The following ECM2 variants were observed in gnomAD, a reference collection of about 807,000 sequenced individuals.
ECM2 encodes extracellular matrix protein 2, female organ and adipocyte specific.
In ECM2, 57 loss-of-function variants were observed where a neutral mutation model predicts 67.5. The ratio of observed to expected loss-of-function variants is 0.84; its 90% confidence interval spans 0.68 to 1.05. The LOEUF (loss-of-function observed/expected upper bound fraction) is 1.05. ECM2 is among the 50% of genes least tolerant of loss of function. The pLI is 0.00. For missense variants in ECM2, 741 were observed against 822.8 expected, an observed-to-expected ratio of 0.90 and a Z score of 1.22; for synonymous variants, 258 against 294.5, an observed-to-expected ratio of 0.88 and a Z score of 1.27.
chr9:92,522,943 T>C, intron 1 of ECM2, 50 bp from the exon 2 acceptor site: 2 of 1,475,406 alleles, frequency 1.4e-6, no homozygotes, highest in Non-Finnish European at 8.9e-7. Context: ...TTTTTACTTC[T>C]GAAAATTGGC....
chr9:92,502,716 A>G, intron 7 of ECM2, 64 bp from the exon 8 acceptor site: 29 of 1,302,934 alleles, frequency 2.2e-5, no homozygotes, highest in Non-Finnish European at 2.9e-5. Context: ...AATTTCATGG[A>G]GACTAAAATA....
At chr9:92,495,044 C>T (rs777785793), downstream of ECM2, among the ~76,000 whole-genome samples, 2 of 152,220 alleles carry the variant, frequency 1.3e-5, no homozygotes, top group Non-Finnish European at 2.9e-5. Flanking sequence ...CTGCATTCAT[C>T]ATCCACACCA....
Position 92,496,485 on chromosome 9 carries a change from T to A in ECM2, c.1932-2A>T, listed in dbSNP as rs774872051. ...CAAATTTCTTCTGGAAGAATGTTCC[T>A]AAGGAAAAATAGACATGCAAGTCAC... On this transcript the variant is annotated splice_acceptor_variant, in intron 9 of 9. Coordinates refer to ENST00000344604, the MANE Select transcript of ECM2 (RefSeq NM_001393.4). LOFTEE classifies it high-confidence loss of function. 1 of 1,606,770 alleles carries A rather than the reference T, an allele frequency of 6.2e-7. No homozygotes were observed. The highest frequency in any genetic ancestry group is 8.5e-7 in the Non-Finnish European group (1 of 1,178,386).
At chr9:92,527,327 A>T (rs1848475145) in intron 1 of ECM2, among the ~76,000 whole-genome samples, 2 of 152,160 alleles carry the variant, frequency 1.3e-5, no homozygotes. Flanking sequence ...ATGTTTAGAT[A>T]CACAAATACC....
At chr9:92,533,303 C>CAAACAAAA (rs1223222898) in intron 1 of ECM2, among the ~76,000 whole-genome samples, 16 of 29,860 alleles carry the variant, frequency 5.4e-4, no homozygotes, top group South Asian at 2.7e-3. Flanking sequence ...CGGTCTCAAA[C>CAAACAAAA]AAAAAAAAAA....
intron 1 of ECM2, among the ~76,000 whole-genome samples, chr9:92,534,197 T>A (rs1022962657): frequency 1.3e-5 from 2 of 152,228 alleles, no homozygotes; most frequent in Non-Finnish European, 2.9e-5. Context: ...CTCCCCTTTT[T>A]ATTTCCTAGT....
the ECM2 span, among the ~76,000 whole-genome samples, chr9:92,542,267 A>G: frequency 6.6e-6 from 1 of 152,112 alleles, no homozygotes. Flanking sequence ...TCTTGCTATC[A>G]AGTTCCTTAT....
Position 92,517,765 on chromosome 9 carries a change from C to T in ECM2, c.403G>A (p.Glu135Lys). Residue 135 changes from glutamate (E) to lysine (K), a missense_variant, in exon 3 of 10, where the codon GAA becomes AAA. By Grantham distance (56) the Glu-to-Lys change is moderately conservative. Coordinates refer to ENST00000344604, the MANE Select transcript of ECM2 (RefSeq NM_001393.4). Reference protein sequence around the residue: ...LCSDGRVLCDETMCHPQRCPQ... With the variant: ...LCSDGRVLCDKTMCHPQRCPQ... ...CACCTCTGGGGATGGCACATGGTTT[C>T]ATCACAAAGAACTCTTCCATCTGAG... 6.2e-7 allele frequency: 1 copy of T among 1,614,202 alleles called. No individual in the cohort carries two copies. Among genetic ancestry groups the T allele is most frequent in the Non-Finnish European group, 8.5e-7 (1 of 1,180,036 alleles).
chr9:92,494,679 C>T (rs1025843266), downstream of ECM2, among the ~76,000 whole-genome samples: 6 of 152,000 alleles, frequency 3.9e-5, no homozygotes, highest in African/African-American at 1.5e-4. Context: ...GAGGCCGAGG[C>T]GGTCTTATCA....
At chr9:92,539,544 G>A (rs1849268963), upstream of ECM2, among the ~76,000 whole-genome samples, 2 of 152,026 alleles carry the variant, frequency 1.3e-5, no homozygotes, top group Admixed American at 6.6e-5. Context: ...CAGAAATTAA[G>A]TATAGCCTAC....
At chr9:92,530,212 C>A (rs72754439) in intron 1 of ECM2, among the ~76,000 whole-genome samples, 1 of 152,058 alleles carries the variant, frequency 6.6e-6, no homozygotes, top group Admixed American at 6.6e-5. Context: ...AAGGTGGGTA[C>A]ATGTCATTAA....
intron 2 of ECM2, among the ~76,000 whole-genome samples, chr9:92,520,713 A>C (rs1040050005): frequency 2.0e-5 from 3 of 152,210 alleles, no homozygotes; most frequent in Admixed American, 1.3e-4. Flanking sequence ...CCAGATGTTC[A>C]TCAACTGGTA....
Position 92,522,568 on chromosome 9 carries a change from C to G in ECM2, c.292+7G>C. The G allele has an allele frequency of 6.2e-7, 1 of 1,600,790 alleles. No individual in the cohort carries two copies. Among genetic ancestry groups the G allele is most frequent in the South Asian group, 1.1e-5 (1 of 88,786 alleles). On this transcript the variant is annotated splice_region_variant and intron_variant, in intron 2 of 9. Coordinates refer to ENST00000344604, the MANE Select transcript of ECM2 (RefSeq NM_001393.4). ...CTTTCTGTCTCTCTCTCATAGTGTT[C>G]TCTTACCTGGTAACACATTATAACT...
chr9:92,554,103 A>T, the ECM2 span, among the ~76,000 whole-genome samples: 1 of 152,124 alleles, frequency 6.6e-6, no homozygotes, highest in African/African-American at 2.4e-5. Context: ...TTTTGTTGAG[A>T]GTTTTAATCG....
intron 6 of ECM2, among the ~76,000 whole-genome samples, chr9:92,509,580 G>A (rs1262721473): frequency 6.6e-6 from 1 of 152,152 alleles, no homozygotes; most frequent in Non-Finnish European, 1.5e-5. Context: ...CAAAACACAT[G>A]GCAGTGCAGG....
chr9:92,522,765 G>A lies in ECM2; in HGVS notation c.102C>T (p.Tyr34=), dbSNP rs779766958. Residue 34 remains tyrosine, a synonymous_variant, in exon 2 of 10, where the codon TAC becomes TAT. Transcript: ENST00000344604. ...EIPRKQRRKI[Y]HRRLRKSSTS... is the part of the protein sequence containing the mutation. ...TTGAACTTTTCCTCAACCTTCTGTG[G>A]TAGATCTTCCTCCTTTGCTTCCTAG... 1 of 1,613,782 alleles carries A rather than the reference G, an allele frequency of 6.2e-7. No individual in the cohort carries two copies. Among genetic ancestry groups the A allele is most frequent in the African/African-American group, 1.3e-5 (1 of 74,956 alleles).
chr9:92,551,092 C>T, the ECM2 span, among the ~76,000 whole-genome samples: 2 of 152,120 alleles, frequency 1.3e-5, no homozygotes, highest in Non-Finnish European at 2.9e-5. Context: ...CAGAGCATTT[C>T]CTGGGGAGGT....
the ECM2 span, among the ~76,000 whole-genome samples, chr9:92,550,515 G>A: frequency 6.6e-6 from 1 of 151,994 alleles, no homozygotes; most frequent in East Asian, 1.9e-4. Context: ...TGTAAGATAT[G>A]ACAATTGATA....
At chr9:92,555,742 G>C in the ECM2 span, among the ~76,000 whole-genome samples, 2 of 152,126 alleles carry the variant, frequency 1.3e-5, no homozygotes, top group East Asian at 3.9e-4. Flanking sequence ...AATATCTCCT[G>C]TTTTGTTTCT....
Sources: allele counts gnomAD v4.1 joint callset (sites outside exome capture counted in the v4.1 genomes callset), GRCh38; gene constraint gnomAD v4.1.1; transcripts MANE v1.5; gene names NCBI Gene and HGNC (gene_info 2026-07-23, HGNC 2026-07-21).